The following QNG1 variants were observed in gnomAD, a reference collection of about 807,000 sequenced individuals.
QNG1 encodes the protein Q-nucleotide N-glycosylase 1.
chr9:83,944,881 T>C, the QNG1 span: 15 of 1,613,844 alleles, frequency 9.3e-6, no homozygotes, highest in East Asian at 2.9e-4. Context: ...TCAGCAAACA[T>C]GGTGATACTG....
chr9:83,949,096 A>T, the QNG1 span, among the ~76,000 whole-genome samples: 4 of 134,540 alleles, frequency 3.0e-5, no homozygotes, highest in Non-Finnish European at 6.4e-5. Flanking sequence ...AATAAATACT[A>T]AAAAAAAAAA....
At chr9:83,939,908 AT>A in the QNG1 span, among the ~76,000 whole-genome samples, 6 of 152,200 alleles carry the variant, frequency 3.9e-5, no homozygotes, top group Non-Finnish European at 7.3e-5. Flanking sequence ...TTTCGCACTG[AT>A]TTTAAATTAC....
At chr9:83,945,836 TTG>T in the QNG1 span, among the ~76,000 whole-genome samples, 1 of 152,018 alleles carries the variant, frequency 6.6e-6, no homozygotes, top group African/African-American at 2.4e-5. Context: ...TCTCCTGACC[TTG>T]TGATCTGCCC....
chr9:83,954,176 G>A, the QNG1 span, among the ~76,000 whole-genome samples: 1 of 152,126 alleles, frequency 6.6e-6, no homozygotes, highest in South Asian at 2.1e-4. Context: ...TTACAGGAGT[G>A]AGCCACCGAG....
At chr9:83,953,712 C>T in the QNG1 span, 21 of 948,476 alleles carry the variant, frequency 2.2e-5, no homozygotes, top group Admixed American at 2.0e-4. Flanking sequence ...GGCTGGAGTG[C>T]GGTGGCGTAA....
the QNG1 span, chr9:83,944,944 C>T: frequency 6.2e-7 from 1 of 1,612,962 alleles, no homozygotes; most frequent in South Asian, 1.1e-5. Flanking sequence ...CTCCACGTAT[C>T]TGCTACAAGG....
chr9:83,939,567 G>A, the QNG1 span: 3,406 of 1,613,946 alleles, frequency 2.1e-3, 12 homozygotes, highest in Non-Finnish European at 2.6e-3. Flanking sequence ...TCTTCCCTAT[G>A]GTCATGGGCA....
the QNG1 span, among the ~76,000 whole-genome samples, chr9:83,943,921 T>C: frequency 6.6e-6 from 1 of 152,054 alleles, no homozygotes; most frequent in South Asian, 2.1e-4. Flanking sequence ...CTCGGGAGGC[T>C]GAGGCAGGAG....
chr9:83,943,102 G>A, the QNG1 span, among the ~76,000 whole-genome samples: 1 of 152,192 alleles, frequency 6.6e-6, no homozygotes, highest in East Asian at 1.9e-4. Flanking sequence ...AGCACTTTGG[G>A]AGGCTGAGGA....
chr9:83,939,254 G>C, the QNG1 span: 3 of 363,890 alleles, frequency 8.2e-6, no homozygotes, highest in Non-Finnish European at 1.5e-5. Flanking sequence ...TGTATTTTTA[G>C]TAGAGATGGG....
chr9:83,953,674 T>C, the QNG1 span: 1 of 693,680 alleles, frequency 1.4e-6, no homozygotes, highest in Non-Finnish European at 2.4e-6. Context: ...TTTTATTTTT[T>C]TGAGATGGAG....
At chr9:83,956,099 A>G in the QNG1 span, 1 of 1,546,974 alleles carries the variant, frequency 6.5e-7, no homozygotes, top group East Asian at 2.2e-5. Context: ...GAACTCCCCT[A>G]CACACACCCC....
chr9:83,952,732 T>G, the QNG1 span, among the ~76,000 whole-genome samples: 1 of 150,790 alleles, frequency 6.6e-6, no homozygotes, highest in Admixed American at 6.6e-5. Context: ...GAGGCGGAGC[T>G]TGCAGTGAGC....
chr9:83,945,044 G>T, the QNG1 span: 1 of 1,344,682 alleles, frequency 7.4e-7, no homozygotes, highest in Non-Finnish European at 1.0e-6. Flanking sequence ...CTTTATATAT[G>T]CTATTTTTTA....
chr9:83,950,310 A>C, the QNG1 span, among the ~76,000 whole-genome samples: 15,474 of 151,990 alleles, frequency 0.1, 969 homozygotes, highest in Non-Finnish European at 0.13. Flanking sequence ...GGCCTCCCAA[A>C]GTGCAAGGAT....
the QNG1 span, among the ~76,000 whole-genome samples, chr9:83,943,155 T>C: frequency 6.6e-6 from 1 of 151,514 alleles, no homozygotes; most frequent in Non-Finnish European, 1.5e-5. Context: ...GCATGACCAG[T>C]GTGGTGAAAC....
chr9:83,955,232 A>C, the QNG1 span: 779 of 817,558 alleles, frequency 9.5e-4, 4 homozygotes, highest in African/African-American at 0.012. Context: ...ATAAGAAATG[A>C]CTTTGAAACA....
the QNG1 span, chr9:83,939,735 G>C: frequency 6.2e-7 from 1 of 1,613,064 alleles, no homozygotes; most frequent in Non-Finnish European, 8.5e-7. Flanking sequence ...CCATATGAGA[G>C]CATTTCTCCT....
At chr9:83,942,322 A>C in the QNG1 span, among the ~76,000 whole-genome samples, 1 of 152,232 alleles carries the variant, frequency 6.6e-6, no homozygotes, top group Non-Finnish European at 1.5e-5. Context: ...TTTGGTCTAA[A>C]AACTGGCCCT....
Sources: gnomAD v4.1 joint callset for allele counts (sites outside exome capture counted in the v4.1 genomes callset) on GRCh38, gnomAD v4.1.1 for gene constraint, MANE v1.5 for transcripts, NCBI Gene and HGNC (gene_info 2026-07-23, HGNC 2026-07-21) for gene names.